RBFOX1: variants seen among roughly 807,000 people sequenced by gnomAD.
The protein encoded by RBFOX1 is RNA binding protein fox-1 homolog 1.
In RBFOX1, 8 loss-of-function variants were observed where a neutral mutation model predicts 57.7. The ratio of observed to expected loss-of-function variants is 0.14; its 90% confidence interval spans 0.08 to 0.25. The LOEUF (loss-of-function observed/expected upper bound fraction) is 0.25. Among genes scored for constraint, RBFOX1 ranks in the 10% least tolerant of loss-of-function variants. The pLI is 1.00. For missense variants in RBFOX1, 611 were observed against 548.5 expected, an observed-to-expected ratio of 1.11 and a Z score of -1.14; for synonymous variants, 326 against 222.4, an observed-to-expected ratio of 1.47 and a Z score of -4.15.
intron 4 of RBFOX1, among the ~76,000 whole-genome samples, chr16:7,255,593 G>A (rs1245038936): frequency 6.6e-6 from 1 of 152,134 alleles, no homozygotes; most frequent in East Asian, 1.9e-4. Context: ...ATTTGTGCAT[G>A]CATGGGCGTA....
chr16:6,950,212 C>T (rs1004131439), intron 3 of RBFOX1, among the ~76,000 whole-genome samples: 11 of 151,480 alleles, frequency 7.3e-5, no homozygotes, highest in Non-Finnish European at 1.6e-4. Context: ...CCTGCCTCAG[C>T]CTCCCAAAGC....
Position 5,909,862 on chromosome 16 carries a change from G to C in RBFOX1, c.351+42527G>C, listed in dbSNP as rs149898533. Among the ~76,000 whole-genome samples the C allele has an allele frequency of 2.5e-3, 377 of 152,194 alleles. 1 individual carries two copies. The highest frequency in any genetic ancestry group is 3.8e-3 in the Non-Finnish European group (258 of 68,008). On this transcript the variant is annotated intron_variant, in intron 4 of 19. Coordinates refer to the RBFOX1 transcript ENST00000641259. ...AGGTCAGGAGTTTCGAGACCAGCCT[G>C]ACCAATATGGTGAAACCCCGTCTCC...
intron 4 of RBFOX1, among the ~76,000 whole-genome samples, chr16:7,191,658 G>C (rs912276155): frequency 6.6e-6 from 1 of 152,182 alleles, no homozygotes; most frequent in Admixed American, 6.5e-5. Context: ...ATTACAGTGC[G>C]TGTTTCCGTC....
intron 1 of RBFOX1, among the ~76,000 whole-genome samples, chr16:6,133,560 T>C (rs995356726): frequency 1.3e-5 from 2 of 152,198 alleles, no homozygotes; most frequent in Non-Finnish European, 2.9e-5. Flanking sequence ...TCCCCATTAG[T>C]TCTTTCACTG....
intron 2 of RBFOX1, among the ~76,000 whole-genome samples, chr16:6,600,167 A>G (rs934721558): frequency 2.0e-5 from 3 of 152,132 alleles, no homozygotes; most frequent in African/African-American, 7.2e-5. Context: ...GAATCAGATT[A>G]TTATTACTTT....
chr16:6,714,642 T>A (rs561385135), intron 3 of RBFOX1, among the ~76,000 whole-genome samples: 5 of 152,092 alleles, frequency 3.3e-5, no homozygotes, highest in African/African-American at 1.2e-4. Flanking sequence ...GATGAACATA[T>A]TACAGCCAGG....
At chr16:7,040,744 C>A (rs56145302) in intron 3 of RBFOX1, among the ~76,000 whole-genome samples, 4 of 152,092 alleles carry the variant, frequency 2.6e-5, no homozygotes, top group African/African-American at 9.7e-5. Flanking sequence ...TTTTAACTTG[C>A]TTTTGTTTTA....
At chr16:5,366,161 A>G (rs2065708927) in intron 1 of RBFOX1, 1 of 423,730 alleles carries the variant, frequency 2.4e-6, no homozygotes, top group Admixed American at 2.8e-5. Context: ...AGGAAGATGC[A>G]GAGTCAGAAG....
chr16:6,634,079 A>G (rs936976641), intron 2 of RBFOX1, among the ~76,000 whole-genome samples: 19 of 144,892 alleles, frequency 1.3e-4, no homozygotes, highest in African/African-American at 4.0e-4. Flanking sequence ...ACACACACAT[A>G]CACACACACA....
intron 4 of RBFOX1, among the ~76,000 whole-genome samples, chr16:7,480,980 G>T (rs143672904): frequency 1.6e-3 from 241 of 152,234 alleles, no homozygotes; most frequent in African/African-American, 5.2e-3. Context: ...AGCTTATAGG[G>T]CTGCTACCTG....
chr16:6,998,822 C>A (rs973866258), intron 3 of RBFOX1, among the ~76,000 whole-genome samples: 2 of 151,954 alleles, frequency 1.3e-5, no homozygotes, highest in African/African-American at 4.8e-5. Context: ...AAAATATACC[C>A]ACAAATACTG....
intron 1 of RBFOX1, among the ~76,000 whole-genome samples, chr16:5,295,074 C>G (rs1450681768): frequency 2.7e-5 from 4 of 145,648 alleles, no homozygotes; most frequent in African/African-American, 7.4e-5. Flanking sequence ...TTATGGAGCT[C>G]TCAGTAAAAC....
chr16:7,032,302 G>A (rs1568454747), intron 3 of RBFOX1, among the ~76,000 whole-genome samples: 1 of 151,880 alleles, frequency 6.6e-6, no homozygotes, highest in Non-Finnish European at 1.5e-5. Context: ...AAATTTAGCT[G>A]GGTGTGGTGG....
chr16:6,680,356 G>C (rs1434410666), intron 3 of RBFOX1, among the ~76,000 whole-genome samples: 1 of 143,728 alleles, frequency 7.0e-6, no homozygotes, highest in East Asian at 2.1e-4. Flanking sequence ...TCCGCCTCCC[G>C]GGTTCACGCC....
At chr16:5,400,910 A>G (rs962541030) in intron 1 of RBFOX1, among the ~76,000 whole-genome samples, 1 of 151,984 alleles carries the variant, frequency 6.6e-6, no homozygotes, top group African/African-American at 2.4e-5. Context: ...TTCATAGATC[A>G]TTTTTCTATT....
intron 1 of RBFOX1, among the ~76,000 whole-genome samples, chr16:6,115,979 G>C (rs1386271536): frequency 2.6e-5 from 4 of 152,126 alleles, no homozygotes; most frequent in African/African-American, 7.2e-5. Flanking sequence ...ATGTATATTT[G>C]TTGTAGCACT....
chr16:6,612,159 T>A (rs1021754627), intron 2 of RBFOX1, among the ~76,000 whole-genome samples: 1 of 152,172 alleles, frequency 6.6e-6, no homozygotes, highest in African/African-American at 2.4e-5. Flanking sequence ...ATCTTTTATT[T>A]TCTGTTTGTT....
At chr16:7,645,748 T>C (rs1022558749) in intron 11 of RBFOX1, among the ~76,000 whole-genome samples, 2 of 152,214 alleles carry the variant, frequency 1.3e-5, no homozygotes, top group Admixed American at 6.5e-5. Context: ...TTGTCCAAAA[T>C]GTAGATTTAT....
chr16:6,071,432 C>G (rs1048283944), intron 1 of RBFOX1, among the ~76,000 whole-genome samples: 2 of 152,092 alleles, frequency 1.3e-5, no homozygotes, highest in Non-Finnish European at 2.9e-5. Flanking sequence ...GGTACTAGGT[C>G]GAATACTTGG....
Sources: gnomAD v4.1 joint callset for allele counts (sites outside exome capture counted in the v4.1 genomes callset) on GRCh38, gnomAD v4.1.1 for gene constraint, MANE v1.5 for transcripts, NCBI Gene and HGNC (gene_info 2026-07-23, HGNC 2026-07-21) for gene names.